MECOM: variants seen among roughly 807,000 people sequenced by gnomAD.
MECOM encodes histone-lysine N-methyltransferase MECOM.
Under a neutral mutation model 116.3 loss-of-function variants are expected in MECOM, and 13 were observed. The ratio of observed to expected loss-of-function variants is 0.11; its 90% CI spans 0.07 to 0.18. The LOEUF is 0.18. Among genes scored for constraint, MECOM ranks in the 10% least tolerant of loss-of-function variants. The pLI is 1.00. For missense variants in MECOM, 1,299 were observed against 1,509.0 expected (o/e 0.86, Z 2.31); for synonymous variants, 528 against 535.2 (o/e 0.99, Z 0.19).
intron 1 of MECOM, among the ~76,000 whole-genome samples, chr3:169,418,617 A>G (rs1218965533): frequency 6.6e-6 from 1 of 152,166 alleles, no homozygotes; most frequent in Admixed American, 6.6e-5. Context: ...AACGTAATCC[A>G]TCACATAAAC....
At chr3:169,334,047 A>G (rs994209516) in intron 2 of MECOM, among the ~76,000 whole-genome samples, 5 of 152,130 alleles carry the variant, frequency 3.3e-5, no homozygotes, top group Non-Finnish European at 7.4e-5. Context: ...CTTTCTTAAA[A>G]AAAAATAAAT....
intron 1 of MECOM, among the ~76,000 whole-genome samples, chr3:169,469,830 AC>A (rs1381406666): frequency 6.6e-6 from 1 of 152,194 alleles, no homozygotes; most frequent in Non-Finnish European, 1.5e-5. Flanking sequence ...TTAATAACTC[AC>A]TTTCTCTATT....
chr3:169,342,702 A>C (rs1287894616), intron 2 of MECOM, among the ~76,000 whole-genome samples: 2 of 152,196 alleles, frequency 1.3e-5, no homozygotes, highest in African/African-American at 4.8e-5. Flanking sequence ...CAACTCTCAG[A>C]TATTTCACTT....
At chr3:169,648,398 C>T (rs185059560) in intron 1 of MECOM, among the ~76,000 whole-genome samples, 232 of 152,312 alleles carry the variant, frequency 1.5e-3, no homozygotes, top group African/African-American at 5.4e-3. Flanking sequence ...AATGATCCAT[C>T]TACCCAGTAT....
At chr3:169,523,516 C>T (rs974140556) in intron 1 of MECOM, among the ~76,000 whole-genome samples, 1 of 151,512 alleles carries the variant, frequency 6.6e-6, no homozygotes, top group African/African-American at 2.4e-5. Flanking sequence ...AAATTACATA[C>T]TGGGTTCTGT....
At chr3:169,539,865 T>C (rs1759862075) in intron 1 of MECOM, among the ~76,000 whole-genome samples, 1 of 152,064 alleles carries the variant, frequency 6.6e-6, no homozygotes, top group African/African-American at 2.4e-5. Context: ...AAATCAATAA[T>C]CACAAGTATG....
At chr3:169,342,897 G>A (rs993011515) in intron 2 of MECOM, among the ~76,000 whole-genome samples, 3 of 152,284 alleles carry the variant, frequency 2.0e-5, no homozygotes, top group African/African-American at 7.2e-5. Flanking sequence ...GCCAGCTGAT[G>A]CCAGGGGAGG....
Position 169,625,291 on chromosome 3 carries a change from C to T in MECOM, c.37+38045G>A, listed in dbSNP as rs558955065. The stretch of plus-strand genomic sequence containing the variant: ...ATGTGTATTACCTTATTCTTTTTCT[C>T]CCACCTCCTCCAAAATATACCAATC... On this transcript the variant is annotated intron_variant, in intron 1 of 16. Transcript: ENST00000651503. Among the ~76,000 whole-genome samples, 4 of 152,072 alleles carry T rather than the reference C, an allele frequency of 2.6e-5. No homozygotes were observed. In the East Asian group the frequency reaches 7.7e-4, roughly 29 times the overall value.
intron 1 of MECOM, among the ~76,000 whole-genome samples, chr3:169,449,061 G>A (rs1481142058): frequency 6.6e-6 from 1 of 152,090 alleles, no homozygotes; most frequent in African/African-American, 2.4e-5. Context: ...TTAACATTTT[G>A]AAAGCAAAGC....
chr3:169,129,325 C>T (rs1733924931), intron 4 of MECOM, among the ~76,000 whole-genome samples: 1 of 151,762 alleles, frequency 6.6e-6, no homozygotes, highest in Admixed American at 6.6e-5. Flanking sequence ...GGGTGCAGCT[C>T]ACCAGGGGCT....
chr3:169,271,717 C>T (rs1453328304), intron 2 of MECOM, among the ~76,000 whole-genome samples: 1 of 152,012 alleles, frequency 6.6e-6, no homozygotes, highest in East Asian at 1.9e-4. Context: ...TGTAACAAAC[C>T]TGCACATTGT....
At chr3:169,162,014 C>T (rs1742923664) in intron 2 of MECOM, among the ~76,000 whole-genome samples, 1 of 152,204 alleles carries the variant, frequency 6.6e-6, no homozygotes, top group Non-Finnish European at 1.5e-5. Flanking sequence ...CCCTGAATTC[C>T]TAAACCATAG....
chr3:169,351,508 A>G (rs1726341100), intron 2 of MECOM, among the ~76,000 whole-genome samples: 1 of 151,904 alleles, frequency 6.6e-6, no homozygotes, highest in Non-Finnish European at 1.5e-5. Flanking sequence ...TCTATTCCAC[A>G]TTAAAGTAAA....
At chr3:169,201,060 T>C (rs7646417) in intron 2 of MECOM, among the ~76,000 whole-genome samples, 21,273 of 152,090 alleles carry the variant, frequency 0.14, 2,331 homozygotes, top group African/African-American at 0.29. Flanking sequence ...ATTGAATATG[T>C]ACATCTGCTC....
At chr3:169,632,724 C>T (rs1283029906) in intron 1 of MECOM, among the ~76,000 whole-genome samples, 1 of 152,120 alleles carries the variant, frequency 6.6e-6, no homozygotes, top group Non-Finnish European at 1.5e-5. Context: ...ATATTATGTC[C>T]CTCAAATTCT....
chr3:169,337,881 G>A (rs1000777372), intron 2 of MECOM, among the ~76,000 whole-genome samples: 6 of 152,110 alleles, frequency 3.9e-5, no homozygotes, highest in Non-Finnish European at 5.9e-5. Context: ...AGCCATTACA[G>A]GAAAATAAAG....
chr3:169,210,548 GTGATAAGAAAA>G (rs897463705), intron 2 of MECOM, among the ~76,000 whole-genome samples: 1 of 152,086 alleles, frequency 6.6e-6, no homozygotes, highest in African/African-American at 2.4e-5. Context: ...TCTTGCAAAT[GTGATAAGAAAA>G]TGATTTAGGG....
chr3:169,254,685 C>T (rs1756652386), intron 2 of MECOM, among the ~76,000 whole-genome samples: 1 of 151,930 alleles, frequency 6.6e-6, no homozygotes, highest in South Asian at 2.1e-4. Context: ...TAATATTACT[C>T]TCAGATAACC....
chr3:169,427,931 A>G (rs1740989512), intron 1 of MECOM, among the ~76,000 whole-genome samples: 1 of 152,218 alleles, frequency 6.6e-6, no homozygotes, highest in African/African-American at 2.4e-5. Context: ...GTGATAATTA[A>G]GTTAAAATGA....
Sources: gnomAD v4.1 joint callset for allele counts (sites outside exome capture counted in the v4.1 genomes callset) on GRCh38, gnomAD v4.1.1 for gene constraint, MANE v1.5 for transcripts, NCBI Gene and HGNC (gene_info 2026-07-23, HGNC 2026-07-21) for gene names.